Variants in DCAF17 observed in about 807,000 individuals in gnomAD.
DCAF17 encodes the protein DDB1 and CUL4 associated factor 17.
DCAF17 carries 48 observed loss-of-function variants against 66.0 expected under a neutral mutation model. The observed-to-expected ratio is 0.73, with a 90% CI of 0.58 to 0.92. The LOEUF (loss-of-function observed/expected upper bound fraction) is 0.92, where lower values mean the gene tolerates loss of function less well. DCAF17 is among the 40% of genes least tolerant of loss of function. The pLI is 0.00. For synonymous variants in DCAF17, 206 were observed against 214.6 expected (o/e 0.96, Z 0.35); for missense variants, 562 against 622.8 (o/e 0.90, Z 1.04).
At position 171,453,162 on chromosome 2, in the gene DCAF17, G is replaced by C; in HGVS notation, c.576G>C (p.Val192=). The change falls in exon 6 of 14, where the codon GTG becomes GTC. Residue 192 remains valine (V), a synonymous_variant. Coordinates refer to ENST00000375255, the MANE Select transcript of DCAF17 (RefSeq NM_025000.4). ...AACATGTTTTGCTGTACCTTGCAGT[G>C]TTCCGAGTTCTACCTTTTTCACTTG... ...IQQHVLLYLA[V]FRVLPFSLVG... 6.2e-7 allele frequency: 1 copy of C among 1,613,302 alleles called. No homozygotes were observed. Among genetic ancestry groups the C allele is most frequent in the Non-Finnish European group, 8.5e-7 (1 of 1,179,622 alleles).
intron 8 of DCAF17, among the ~76,000 whole-genome samples, chr2:171,466,264 T>TG (rs2105789485): frequency 6.6e-6 from 1 of 152,360 alleles, no homozygotes; most frequent in South Asian, 2.1e-4. Flanking sequence ...ATTACAGGTG[T>TG]AGCCCTTCTT....
intron 2 of DCAF17, among the ~76,000 whole-genome samples, chr2:171,439,358 C>T (rs1247084858): frequency 1.3e-5 from 2 of 151,648 alleles, no homozygotes; most frequent in Non-Finnish European, 2.9e-5. Context: ...CTTTCTTTTT[C>T]CTCTTTTATT....
chr2:171,463,926 A>C (rs1349278842), intron 8 of DCAF17, among the ~76,000 whole-genome samples: 1 of 152,222 alleles, frequency 6.6e-6, no homozygotes, highest in Admixed American at 6.5e-5. Flanking sequence ...AGTTGGTATA[A>C]TAGTCACTTT....
At chr2:171,451,515 A>G (rs1019756689) in intron 5 of DCAF17, among the ~76,000 whole-genome samples, 3 of 152,354 alleles carry the variant, frequency 2.0e-5, no homozygotes, top group African/African-American at 4.8e-5. Context: ...TGAGAATTCT[A>G]AAGTGTCTTG....
chr2:171,480,363 C>T (rs1696685459), intron 13 of DCAF17, among the ~76,000 whole-genome samples, 170 bp downstream of exon 13: 1 of 152,158 alleles, frequency 6.6e-6, no homozygotes, highest in South Asian at 2.1e-4. Flanking sequence ...AAGCCTTCCT[C>T]CCCTGGGCAC....
At chr2:171,434,727 G>C in intron 1 of DCAF17, 24 bp downstream of exon 1, 1 of 1,413,600 alleles carries the variant, frequency 7.1e-7, no homozygotes, top group South Asian at 1.5e-5. Flanking sequence ...GGCCGGGGCG[G>C]GACGGAGGGC....
At chr2:171,450,088 T>C in intron 5 of DCAF17, 131 bp downstream of exon 5, 1 of 769,592 alleles carries the variant, frequency 1.3e-6, no homozygotes, top group Non-Finnish European at 2.2e-6. Context: ...CACGGCAACC[T>C]GGATGGGATC....
chr2:171,457,943 A>G, intron 6 of DCAF17, 28 bp from the exon 7 acceptor site: 1 of 1,542,792 alleles, frequency 6.5e-7, no homozygotes, highest in African/African-American at 1.4e-5. Flanking sequence ...GTCTTTTCTC[A>G]GGTGATATCT....
intron 5 of DCAF17, among the ~76,000 whole-genome samples, 183 bp from the exon 6 acceptor site, chr2:171,452,941 A>G (rs965810616): frequency 6.6e-6 from 1 of 152,220 alleles, no homozygotes; most frequent in Non-Finnish European, 1.5e-5. Flanking sequence ...TTTAGTGGAC[A>G]TGTTTTGAAT....
chr2:171,448,454 A>T (rs986298869), intron 3 of DCAF17, among the ~76,000 whole-genome samples: 1 of 152,240 alleles, frequency 6.6e-6, no homozygotes, highest in Admixed American at 6.5e-5. Flanking sequence ...AAATTATTTC[A>T]GGCCATGTTT....
chr2:171,435,870 T>A (rs914327615), intron 2 of DCAF17, among the ~76,000 whole-genome samples: 1 of 152,222 alleles, frequency 6.6e-6, no homozygotes, highest in Non-Finnish European at 1.5e-5. Flanking sequence ...CCATTTAAAG[T>A]GTACAGTTCA....
chr2:171,475,808 T>C (rs1480340784), intron 10 of DCAF17, among the ~76,000 whole-genome samples: 1 of 152,212 alleles, frequency 6.6e-6, no homozygotes, highest in Non-Finnish European at 1.5e-5. Context: ...CTTTATTTTT[T>C]ATGCTTCGTA....
chr2:171,443,745 A>G (rs1314163498), intron 3 of DCAF17, 132 bp downstream of exon 3: 1 of 674,412 alleles, frequency 1.5e-6, no homozygotes, highest in South Asian at 1.8e-5. Flanking sequence ...AGCAATCAAG[A>G]TGAGAGTATA....
chr2:171,480,301 T>A (rs1696683279), intron 13 of DCAF17, 108 bp downstream of exon 13: 2 of 1,384,130 alleles, frequency 1.4e-6, no homozygotes, highest in Admixed American at 3.8e-5. Context: ...CCTATGCCAA[T>A]GACCATGTGA....
intron 12 of DCAF17, among the ~76,000 whole-genome samples, chr2:171,479,302 C>G (rs564711572): frequency 6.6e-6 from 1 of 152,246 alleles, no homozygotes; most frequent in Admixed American, 6.5e-5. Context: ...GGCATTCAGC[C>G]AAGATGTACC....
intron 5 of DCAF17, 76 bp downstream of exon 5, chr2:171,450,033 T>C: frequency 8.0e-7 from 1 of 1,247,448 alleles, no homozygotes; most frequent in East Asian, 2.4e-5. Flanking sequence ...TTATGAAAAA[T>C]CTAATGATCT....
chr2:171,449,111 C>T (rs868060691), intron 4 of DCAF17, among the ~76,000 whole-genome samples: 5 of 151,992 alleles, frequency 3.3e-5, no homozygotes, highest in African/African-American at 9.7e-5. Context: ...CAGGTTCAAG[C>T]GATTCTCCTG....
chr2:171,482,996 A>G lies in DCAF17; in HGVS notation c.*1882A>G, dbSNP rs1293110673. On this transcript the variant is annotated 3_prime_UTR_variant, in exon 14 of 14. Transcript: ENST00000375255. ...CAAACAGGAGAGCTATGCCCCAACT[A>G]AAAGGAGCAGCTGCTACTGCTTAGT... 6.6e-6 allele frequency: 3 copies of G among 453,998 alleles called. No homozygotes were observed. The highest frequency in any genetic ancestry group is 6.8e-4 in the Middle Eastern group (1 of 1,466). The allele number at this position is 453,998 out of a possible 1,614,324, so 28.1% of individuals were successfully genotyped here.
chr2:171,444,268 A>C (rs1694487169), intron 3 of DCAF17, among the ~76,000 whole-genome samples: 1 of 152,170 alleles, frequency 6.6e-6, no homozygotes, highest in Non-Finnish European at 1.5e-5. Context: ...CCATTTCCCC[A>C]AATTCTTTTG....
Sources: allele counts gnomAD v4.1 joint callset (sites outside exome capture counted in the v4.1 genomes callset), GRCh38; gene constraint gnomAD v4.1.1; transcripts MANE v1.5; gene names NCBI Gene and HGNC (gene_info 2026-07-23, HGNC 2026-07-21).